DPYD: variants seen among roughly 807,000 people sequenced by gnomAD.
The protein encoded by DPYD is dihydropyrimidine dehydrogenase.
Under a neutral mutation model 116.2 loss-of-function variants are expected in DPYD, and 109 were observed. That is an observed-to-expected ratio of 0.94 (90% confidence interval 0.80 to 1.10). The LOEUF (loss-of-function observed/expected upper bound fraction) is 1.10, where lower values mean the gene tolerates loss of function less well. DPYD is among the 50% of genes least tolerant of loss of function. The pLI is 0.00. For synonymous variants in DPYD, 440 were observed against 432.0 expected (o/e 1.02, Z -0.23); for missense variants, 1,302 against 1,254.5 (o/e 1.04, Z -0.57).
At chr1:97,219,781 A>G (rs11812084) in intron 19 of DPYD, among the ~76,000 whole-genome samples, 2,061 of 152,238 alleles carry the variant, frequency 0.014, 38 homozygotes, top group African/African-American at 0.041. Context: ...GTGAAAATGT[A>G]AAGACCTTGC....
At chr1:97,102,459 T>TC (rs71071629) in intron 20 of DPYD, among the ~76,000 whole-genome samples, 6 of 125,094 alleles carry the variant, frequency 4.8e-5, no homozygotes, top group Non-Finnish European at 9.8e-5. Context: ...CTGAAATCTA[T>TC]TATCTATCTA....
At chr1:97,554,923 C>CCTCTCCTCTCCAATTT (rs1553194517) in intron 11 of DPYD, among the ~76,000 whole-genome samples, 2 of 151,924 alleles carry the variant, frequency 1.3e-5, no homozygotes, top group African/African-American at 4.8e-5. Context: ...GTCATTTTCT[C>CCTCTCCTCTCCAATTT]CTCTCCTCTC....
chr1:97,721,796 T>G (rs1397647656), intron 4 of DPYD, 125 bp from the exon 5 acceptor site: 1 of 861,892 alleles, frequency 1.2e-6, no homozygotes. Flanking sequence ...ATAAGATGCA[T>G]AGGTTTCAAT....
In DPYD at chr1:97,867,631, T is replaced by C. The variant is rs12135891; in HGVS notation, c.150+15633A>G. On this transcript the variant is annotated intron_variant, in intron 2 of 22. Transcript: ENST00000370192. ...ATAAAGGACAAAAACCATAGGATCATCTCAATTGATGCAGGAAAAAACATT... is the reference window on the plus strand; with the variant it reads ...ATAAAGGACAAAAACCATAGGATCACCTCAATTGATGCAGGAAAAAACATT... Among the ~76,000 whole-genome samples the C allele has an allele frequency of 7.1e-3, 1,086 of 151,960 alleles. 5 individuals are homozygous for C. Among genetic ancestry groups the C allele is most frequent in the Non-Finnish European group, 0.011 (717 of 67,882 alleles).
intron 16 of DPYD, among the ~76,000 whole-genome samples, chr1:97,360,780 G>C (rs1351332527): frequency 6.6e-6 from 1 of 152,274 alleles, no homozygotes; most frequent in African/African-American, 2.4e-5. Context: ...CAACATACCA[G>C]AATCTCTGGG....
intron 19 of DPYD, among the ~76,000 whole-genome samples, chr1:97,212,586 G>C (rs1371591436): frequency 6.6e-6 from 1 of 152,062 alleles, no homozygotes; most frequent in Non-Finnish European, 1.5e-5. Flanking sequence ...GATAGATGAT[G>C]TGGAGTGGAA....
intron 2 of DPYD, among the ~76,000 whole-genome samples, chr1:97,829,463 G>A (rs1669416646): frequency 6.6e-6 from 1 of 151,884 alleles, no homozygotes; most frequent in Admixed American, 6.6e-5. Context: ...AGTCCATTTT[G>A]GGTATATACA....
intron 20 of DPYD, among the ~76,000 whole-genome samples, chr1:97,113,813 C>T (rs1298869279): frequency 6.6e-6 from 1 of 151,914 alleles, no homozygotes; most frequent in African/African-American, 2.4e-5. Context: ...TAAAATATTA[C>T]TAAAACTTTT....
intron 5 of DPYD, among the ~76,000 whole-genome samples, chr1:97,716,258 T>G (rs1662609781): frequency 6.6e-6 from 1 of 152,090 alleles, no homozygotes; most frequent in African/African-American, 2.4e-5. Flanking sequence ...ATATAGTATA[T>G]TCTTTCTTTA....
At chr1:97,424,655 CT>C (rs1475721072) in intron 14 of DPYD, among the ~76,000 whole-genome samples, 5 of 151,974 alleles carry the variant, frequency 3.3e-5, no homozygotes, top group African/African-American at 1.2e-4. Flanking sequence ...TATAGGATAC[CT>C]TTTGTCACCT....
chr1:97,317,716 C>T (rs1409085371), intron 16 of DPYD, among the ~76,000 whole-genome samples: 1 of 151,924 alleles, frequency 6.6e-6, no homozygotes, highest in Non-Finnish European at 1.5e-5. Context: ...TAGTGTGGGG[C>T]ACCATTCTGC....
At chr1:97,189,214 A>G (rs958177236) in intron 20 of DPYD, among the ~76,000 whole-genome samples, 6 of 152,198 alleles carry the variant, frequency 3.9e-5, no homozygotes, top group Admixed American at 3.9e-4. Flanking sequence ...CAAAAATACA[A>G]CTGCGATGTG....
intron 13 of DPYD, among the ~76,000 whole-genome samples, chr1:97,493,035 G>A (rs1334465627): frequency 6.6e-6 from 1 of 152,156 alleles, no homozygotes; most frequent in Non-Finnish European, 1.5e-5. Context: ...TTGCTGGTTT[G>A]ATCTCTTTCT....
chr1:97,153,437 G>A (rs538202993), intron 20 of DPYD, among the ~76,000 whole-genome samples: 2 of 152,166 alleles, frequency 1.3e-5, no homozygotes, highest in Admixed American at 1.3e-4. Context: ...GGGATAATTG[G>A]CAAGCCACAT....
chr1:97,490,238 C>A (rs144409110), intron 13 of DPYD, among the ~76,000 whole-genome samples: 1 of 151,364 alleles, frequency 6.6e-6, no homozygotes, highest in Admixed American at 6.6e-5. Flanking sequence ...ATCTGCTATA[C>A]CGCTTACTAA....
At chr1:97,855,753 C>T (rs1267923717) in intron 2 of DPYD, 2 of 152,196 alleles carry the variant, frequency 1.3e-5, no homozygotes, top group South Asian at 2.1e-4. Context: ...TTGAAAGACA[C>T]TTCGGATAAA....
At chr1:97,841,280 C>A (rs1487111296) in intron 2 of DPYD, among the ~76,000 whole-genome samples, 1 of 151,998 alleles carries the variant, frequency 6.6e-6, no homozygotes, top group African/African-American at 2.4e-5. Flanking sequence ...TATCACTCAT[C>A]ATTATTCCCT....
At chr1:97,813,620 T>A (rs1429118627) in intron 3 of DPYD, among the ~76,000 whole-genome samples, 2 of 152,128 alleles carry the variant, frequency 1.3e-5, no homozygotes, top group Admixed American at 6.6e-5. Context: ...TAAAAATTGA[T>A]GTTATGGAAG....
chr1:97,418,518 T>G (rs1469562187), intron 14 of DPYD, among the ~76,000 whole-genome samples: 1 of 152,120 alleles, frequency 6.6e-6, no homozygotes, highest in Non-Finnish European at 1.5e-5. Flanking sequence ...CAGACTGGTT[T>G]CGAACTCCTG....
Sources: allele counts gnomAD v4.1 joint callset (sites outside exome capture counted in the v4.1 genomes callset), GRCh38; gene constraint gnomAD v4.1.1; transcripts MANE v1.5; gene names NCBI Gene and HGNC (gene_info 2026-07-23, HGNC 2026-07-21).